Variants in PLCH2 observed in about 807,000 individuals in gnomAD.
PLCH2 encodes the protein 1-phosphatidylinositol 4,5-bisphosphate phosphodiesterase eta-2.
Under a neutral mutation model 134.7 loss-of-function variants are expected in PLCH2, and 98 were observed. The observed-to-expected ratio is 0.73, with a 90% CI of 0.62 to 0.86. PLCH2 has a LOEUF of 0.86. PLCH2 is among the 40% of genes least tolerant of loss of function. The pLI is 0.00. For synonymous variants in PLCH2, 974 were observed against 827.5 expected (o/e 1.18, Z -3.04); for missense variants, 1,994 against 1,986.6 (o/e 1.00, Z -0.07).
chr1:2,501,760 C>T, intron 20 of PLCH2: 1 of 252,166 alleles, frequency 4.0e-6, no homozygotes, highest in Non-Finnish European at 7.5e-6. Flanking sequence ...CTGTGGTGGG[C>T]CAGGCTGGGG....
chr1:2,453,492 T>C (rs1253891780), intron 2 of PLCH2, among the ~76,000 whole-genome samples: 1 of 152,184 alleles, frequency 6.6e-6, no homozygotes, highest in East Asian at 1.9e-4. Flanking sequence ...CCCGGAATGC[T>C]GACAGTGATC....
At chr1:2,499,791 A>C in intron 20 of PLCH2, 71 bp downstream of exon 20, 8 of 1,189,582 alleles carry the variant, frequency 6.7e-6, no homozygotes, top group Middle Eastern at 2.4e-4. Flanking sequence ...ATGCCCCCCC[A>C]TGTGTCCCCA....
intron 2 of PLCH2, among the ~76,000 whole-genome samples, chr1:2,458,787 C>T (rs1640625461): frequency 6.6e-6 from 1 of 152,208 alleles, no homozygotes; most frequent in Admixed American, 6.5e-5. Context: ...CTCGAGGCCA[C>T]GTTTCATTCC....
At chr1:2,433,299 T>C (rs1031302408) in intron 2 of PLCH2, among the ~76,000 whole-genome samples, 5 of 152,218 alleles carry the variant, frequency 3.3e-5, no homozygotes, top group African/African-American at 1.2e-4. Context: ...GCTGACTGCA[T>C]GTGCACCTGG....
rs568996016 is a variant in PLCH2, at chr1:2,495,514, G to A, written c.1779G>A (p.Ala593=). 395 of 1,552,082 alleles carry A rather than the reference G, an allele frequency of 2.5e-4. No homozygotes were observed. Among genetic ancestry groups the A allele is most frequent in the East Asian group, 2.9e-4 (12 of 41,004 alleles). Residue 593 remains alanine, a synonymous_variant, in exon 13 of 22, where the codon GCG becomes GCA. Transcript: ENST00000378486. ...AGAAGGGCAGCAAGCTGAAGAAGGCGGCCAGCGTGGAGGAGGGAGATGAGG... is the reference window on the plus strand; with the variant it reads ...AGAAGGGCAGCAAGCTGAAGAAGGCAGCCAGCGTGGAGGAGGGAGATGAGG... ...RKKKGSKLKK[A]ASVEEGDEGQ...
In PLCH2 at chr1:2,501,950, G is replaced by A. The variant is rs111950687; in HGVS notation, c.2662-162G>A. 217 of 592,074 alleles carry A rather than the reference G, an allele frequency of 3.7e-4. 3 individuals are homozygous for A. The highest frequency in any genetic ancestry group is 3.6e-3 in the African/African-American group (183 of 50,548). The allele number at this position is 592,074 out of a possible 1,614,324, so 36.7% of individuals were successfully genotyped here. Reference sequence around the variant, plus strand: ...TGCCCTAGGGACCCTGCTCCTGAAGGCCCTGGTGTGTCCACACACCCCCAG... The same window carrying A: ...TGCCCTAGGGACCCTGCTCCTGAAGACCCTGGTGTGTCCACACACCCCCAG... On this transcript the variant is annotated intron_variant, in intron 20 of 21. Coordinates refer to ENST00000378486, the MANE Select transcript of PLCH2 (RefSeq NM_014638.4).
At chr1:2,496,035 C>T (rs1642865030) in intron 13 of PLCH2, among the ~76,000 whole-genome samples, 1 of 152,092 alleles carries the variant, frequency 6.6e-6, no homozygotes, top group Non-Finnish European at 1.5e-5. Flanking sequence ...AAGGAACTCC[C>T]ACCCCTCCCG....
At position 2,504,459 on chromosome 1, in the gene PLCH2, G is replaced by T; in HGVS notation, c.3497G>T (p.Gly1166Val). ...CTCTCCCTGCCCAGCCTGGGCCTGG[G>T]CCGCAGCCGTGAGAACCTCGCTGGA... ...IDLSLPSLGLGRSRENLAGAH... is the reference protein window; with the variant it reads ...IDLSLPSLGLVRSRENLAGAH... The change falls in exon 22 of 22, where the codon GGC (glycine) becomes GTC (valine). Residue 1166 changes from glycine to valine, a missense_variant. Around this residue, in one of 2 missense-constraint regions of PLCH2, gnomAD observed 900 missense variants for 752.3 expected, o/e 1.20. Coordinates refer to ENST00000378486, the MANE Select transcript of PLCH2 (RefSeq NM_014638.4). 1 of 1,612,172 alleles carries T rather than the reference G, an allele frequency of 6.2e-7. No individual in the cohort carries two copies. Among genetic ancestry groups the T allele is most frequent in the African/African-American group, 1.3e-5 (1 of 74,884 alleles).
In PLCH2 at chr1:2,504,412, A is replaced by G; in HGVS notation, c.3450A>G (p.Ser1150=). 1 of 1,611,692 alleles carries G rather than the reference A, an allele frequency of 6.2e-7. No homozygotes were observed. The highest frequency in any genetic ancestry group is 1.1e-5 in the South Asian group (1 of 91,062). Reference sequence around the variant, plus strand: ...GCGTTTCCTCCTCCTCCAGCATGTCATCCAGCGACACTGTCATTGACCTCT... The same window carrying G: ...GCGTTTCCTCCTCCTCCAGCATGTCGTCCAGCGACACTGTCATTGACCTCT... ...RDSVSSSSSM[S]SSDTVIDLSL... The change falls in exon 22 of 22, where the codon TCA becomes TCG. Residue 1150 remains serine (S), a synonymous_variant. Coordinates refer to ENST00000378486, the MANE Select transcript of PLCH2 (RefSeq NM_014638.4).
intron 21 of PLCH2, chr1:2,502,725 G>A: frequency 1.4e-6 from 1 of 715,560 alleles, no homozygotes; most frequent in Non-Finnish European, 2.6e-6. Flanking sequence ...TGGAGGCAGG[G>A]TCCAGGCGGT....
chr1:2,479,822 C>A lies in PLCH2; in HGVS notation c.360C>A (p.Cys120Ter). The A allele has an allele frequency of 6.2e-7, 1 of 1,605,444 alleles. No individual in the cohort carries two copies. Among genetic ancestry groups the A allele is most frequent in the Non-Finnish European group, 8.5e-7 (1 of 1,176,774 alleles). Reference protein sequence around the residue: ...RYPDGSFDPNCCFSIYHGSHR... With the variant: ...RYPDGSFDPN ...CTGACGGCAGCTTCGACCCCAACTG[C>A]TGCTTCAGCATCTACCACGGCAGCC... Residue 120 changes from cysteine (C) to a stop codon, truncating the protein, a stop_gained, in exon 3 of 22, where the codon TGC becomes TGA. Coordinates refer to ENST00000378486, the MANE Select transcript of PLCH2 (RefSeq NM_014638.4). LOFTEE classifies it high-confidence loss of function.
At chr1:2,437,555 C>T (rs1639486114) in intron 2 of PLCH2, among the ~76,000 whole-genome samples, 1 of 152,042 alleles carries the variant, frequency 6.6e-6, no homozygotes, top group Non-Finnish European at 1.5e-5. Context: ...TGTCCCATGT[C>T]CCACTCTTTG....
At chr1:2,445,276 G>A (rs1349986177) in intron 2 of PLCH2, among the ~76,000 whole-genome samples, 1 of 152,126 alleles carries the variant, frequency 6.6e-6, no homozygotes, top group African/African-American at 2.4e-5. Flanking sequence ...TGATGGCCCT[G>A]CCCTCTGGGA....
chr1:2,483,281 G>C (rs891322266), intron 4 of PLCH2, among the ~76,000 whole-genome samples: 2 of 152,162 alleles, frequency 1.3e-5, no homozygotes, highest in Non-Finnish European at 2.9e-5. Flanking sequence ...TGCCTTCAAG[G>C]CATATCTGAT....
rs1352954275 is a variant in PLCH2, at chr1:2,440,331, C to T, written c.115+9702C>T. 2.0e-5 allele frequency among the ~76,000 whole-genome samples: 3 copies of T among 152,156 alleles called. No homozygotes were observed. The East Asian group carries it at 5.8e-4, about 29-fold the overall frequency. On this transcript the variant is annotated intron_variant, in intron 2 of 3. Transcript: ENST00000609981. The stretch of plus-strand genomic sequence containing the variant: ...CGGTGTGCCCTGGCTGCCGGGGTTG[C>T]CCCCAGGAGCACCCGGCCATGGTGG...
intron 1 of PLCH2, among the ~76,000 whole-genome samples, chr1:2,477,263 C>T (rs1426620467): frequency 1.3e-5 from 2 of 152,126 alleles, no homozygotes; most frequent in Non-Finnish European, 2.9e-5. Flanking sequence ...CTCTGCCCGC[C>T]CCCTGCCCCT....
At chr1:2,470,718 C>T (rs1473138561) in intron 1 of PLCH2, among the ~76,000 whole-genome samples, 1 of 152,154 alleles carries the variant, frequency 6.6e-6, no homozygotes, top group Non-Finnish European at 1.5e-5. Context: ...GGCCCGAGGA[C>T]CCTCCCCTTG....
At chr1:2,463,148 G>A (rs555712861), upstream of PLCH2, among the ~76,000 whole-genome samples, 3 of 152,320 alleles carry the variant, frequency 2.0e-5, no homozygotes, top group South Asian at 6.2e-4. Context: ...GCACGATGAG[G>A]AGGCTGGGGT....
intron 9 of PLCH2, 25 bp downstream of exon 9, chr1:2,489,403 G>A: frequency 6.2e-7 from 1 of 1,611,164 alleles, no homozygotes. Flanking sequence ...GCCCTCCTGG[G>A]ACCAGCTCAC....
Sources: gnomAD v4.1 joint callset for allele counts (sites outside exome capture counted in the v4.1 genomes callset) on GRCh38, gnomAD v4.1.1 for gene constraint, gnomAD v4.1.1 regional missense constraint, MANE v1.5 for transcripts, NCBI Gene and HGNC (gene_info 2026-07-23, HGNC 2026-07-21) for gene names.